PLCZ1: variants seen among roughly 807,000 people sequenced by gnomAD.
The protein encoded by PLCZ1 is 1-phosphatidylinositol 4,5-bisphosphate phosphodiesterase zeta-1.
PLCZ1 carries 64 observed loss-of-function variants against 76.8 expected under a neutral mutation model. The ratio of observed to expected loss-of-function variants is 0.83; its 90% CI spans 0.68 to 1.03. The LOEUF (loss-of-function observed/expected upper bound fraction) is 1.03, where lower values mean the gene tolerates loss of function less well. Ranked by LOEUF, PLCZ1 falls within the 50% of genes least tolerant of loss-of-function variation. PLCZ1 has a pLI of 0.00. For missense variants in PLCZ1, 751 were observed against 713.7 expected, an observed-to-expected ratio of 1.05 and a Z score of -0.60; for synonymous variants, 248 against 230.8, an observed-to-expected ratio of 1.07 and a Z score of -0.68.
chr12:18,684,778 C>A (rs1046096034), intron 13 of PLCZ1, among the ~76,000 whole-genome samples: 2 of 151,944 alleles, frequency 1.3e-5, no homozygotes, highest in Non-Finnish European at 2.9e-5. Flanking sequence ...GTGCCCCCAC[C>A]CAAATCTCAT....
the PLCZ1 span, among the ~76,000 whole-genome samples, chr12:18,651,685 G>T: frequency 1.3e-5 from 2 of 152,122 alleles, no homozygotes; most frequent in Non-Finnish European, 2.9e-5. Context: ...GCCTTTGAAG[G>T]CCTTTTCTCT....
chr12:18,693,220 G>C, intron 12 of PLCZ1: 2 of 1,566,124 alleles, frequency 1.3e-6, no homozygotes, highest in Middle Eastern at 1.7e-4. Context: ...GAACCTGGCT[G>C]CTCGGTCAGG....
intron 10 of PLCZ1, among the ~76,000 whole-genome samples, chr12:18,699,350 G>A (rs973080652): frequency 7.9e-5 from 12 of 152,226 alleles, no homozygotes; most frequent in Non-Finnish European, 1.3e-4. Context: ...CTTCCTGCCT[G>A]CAATCTCACC....
Position 18,683,379 on chromosome 12 carries a change from C to CAG in PLCZ1, c.1742-56_1742-55insCT. On this transcript the variant is annotated intron_variant, in intron 14 of 14. Coordinates refer to ENST00000266505, the MANE Select transcript of PLCZ1 (RefSeq NM_033123.4). ...AATAACCAATTAATCAGTGGTGTCTCCAATAGCCTTGCTGAGAAACAAGAG... is the reference window on the plus strand; with the variant it reads ...AATAACCAATTAATCAGTGGTGTCTCAGCAATAGCCTTGCTGAGAAACAAGAG... 10 of 1,559,892 alleles carry CAG rather than the reference C, an allele frequency of 6.4e-6. No homozygotes were observed. The South Asian group carries it at 1.1e-4, about 17-fold the overall frequency.
intron 3 of PLCZ1, 125 bp downstream of exon 3, chr12:18,736,096 T>C (rs2150770489): frequency 9.2e-7 from 1 of 1,083,134 alleles, no homozygotes. Context: ...TCCATCTTGA[T>C]TGTAAATATA....
chr12:18,652,975 T>C, the PLCZ1 span, among the ~76,000 whole-genome samples: 1 of 151,862 alleles, frequency 6.6e-6, no homozygotes, highest in African/African-American at 2.4e-5. Context: ...TTAGGCTAAG[T>C]GAGGATGAGG....
the PLCZ1 span, among the ~76,000 whole-genome samples, chr12:18,678,100 G>T: frequency 0.38 from 57,681 of 151,922 alleles, 13,655 homozygotes; most frequent in South Asian, 0.59. Context: ...TTTCTAGCAA[G>T]CCCAGCTGTC....
chr12:18,719,462 A>G lies in PLCZ1; in HGVS notation c.538T>C (p.Leu180=). ...HNTYLVSDQL[L]GPSDLWGYVS... ...TATCCCCAAAGGTCACTTGGTCCCA[A>G]TAATTGATCAGATACCAAATATGTG... The change falls in exon 5 of 15, where the codon TTG becomes CTG. Residue 180 remains leucine, a synonymous_variant. Transcript: ENST00000266505. 1 of 1,555,074 alleles carries G rather than the reference A, an allele frequency of 6.4e-7. No individual in the cohort carries two copies. The highest frequency in any genetic ancestry group is 1.8e-5 in the Admixed American group (1 of 54,706).
intron 13 of PLCZ1, chr12:18,685,417 C>T (rs1375144572): frequency 9.0e-5 from 17 of 189,822 alleles, no homozygotes; most frequent in Admixed American, 8.7e-4. Context: ...GGAGAAGAAT[C>T]ATGTGTATTA....
chr12:18,672,356 TTTAA>T, the PLCZ1 span, among the ~76,000 whole-genome samples: 1 of 152,152 alleles, frequency 6.6e-6, no homozygotes, highest in Non-Finnish European at 1.5e-5. Flanking sequence ...GGGAAAGGTT[TTTAA>T]TTGTTTACTT....
chr12:18,648,145 A>T, the PLCZ1 span: 2 of 478,476 alleles, frequency 4.2e-6, no homozygotes, highest in Admixed American at 8.6e-5. Context: ...GGTATTAAGG[A>T]CACAGAAAAA....
chr12:18,673,520 G>A, the PLCZ1 span, among the ~76,000 whole-genome samples: 1 of 152,064 alleles, frequency 6.6e-6, no homozygotes. Context: ...GAGAAGCCTT[G>A]GATATCTGCA....
At chr12:18,677,985 C>A in the PLCZ1 span, among the ~76,000 whole-genome samples, 1 of 151,938 alleles carries the variant, frequency 6.6e-6, no homozygotes, top group Non-Finnish European at 1.5e-5. Context: ...GAGAGTATGT[C>A]AATTAGCATA....
chr12:18,703,353 G>C (rs1956187415), intron 7 of PLCZ1, among the ~76,000 whole-genome samples: 1 of 152,022 alleles, frequency 6.6e-6, no homozygotes, highest in Non-Finnish European at 1.5e-5. Context: ...ATTTTTCACT[G>C]ATTTAAATAA....
the PLCZ1 span, among the ~76,000 whole-genome samples, chr12:18,663,990 T>C: frequency 1.3e-5 from 2 of 152,076 alleles, no homozygotes; most frequent in Non-Finnish European, 2.9e-5. Context: ...AGTAAGCACA[T>C]AAAAACATGC....
In PLCZ1 at chr12:18,737,488, C is replaced by T. The variant is rs1259156502; in HGVS notation, c.-117G>A. The stretch of plus-strand genomic sequence containing the variant: ...CTTTGCAGAAAATAATTTCTTGATA[C>T]TCATCAGCTGTTACCACTTTTCTAG... On this transcript the variant is annotated 5_prime_UTR_variant, in exon 2 of 15. Coordinates refer to ENST00000266505, the MANE Select transcript of PLCZ1 (RefSeq NM_033123.4). 1.4e-6 allele frequency: 2 copies of T among 1,414,054 alleles called. No homozygotes were observed. The highest frequency in any genetic ancestry group is 2.8e-5 in the African/African-American group (2 of 70,310). The allele number at this position is 1,414,054 out of a possible 1,614,324, so 87.6% of individuals were successfully genotyped here.
At chr12:18,683,973 T>C (rs1049115419) in intron 14 of PLCZ1, among the ~76,000 whole-genome samples, 157 bp downstream of exon 14, 1 of 152,026 alleles carries the variant, frequency 6.6e-6, no homozygotes, top group Non-Finnish European at 1.5e-5. Flanking sequence ...GAGAACACAT[T>C]TTTATAATTC....
chr12:18,679,284 T>C (rs917304087), downstream of PLCZ1, among the ~76,000 whole-genome samples: 4 of 151,684 alleles, frequency 2.6e-5, no homozygotes, highest in Non-Finnish European at 5.9e-5. Flanking sequence ...AGGCAGAAGT[T>C]CTTTTTAAAA....
chr12:18,718,899 G>A (rs1403618317), intron 5 of PLCZ1, among the ~76,000 whole-genome samples: 1 of 152,152 alleles, frequency 6.6e-6, no homozygotes, highest in East Asian at 1.9e-4. Flanking sequence ...TAGGTACATT[G>A]TTAGGTATAA....
Sources: gnomAD v4.1 joint callset for allele counts (sites outside exome capture counted in the v4.1 genomes callset) on GRCh38, gnomAD v4.1.1 for gene constraint, MANE v1.5 for transcripts, NCBI Gene and HGNC (gene_info 2026-07-23, HGNC 2026-07-21) for gene names.